LRP5: variants seen among roughly 807,000 people sequenced by gnomAD.
LRP5 encodes the protein LDL receptor related protein 5, also known as low-density lipoprotein receptor-related protein 5.
A neutral mutation model predicts 154.1 loss-of-function variants in LRP5; 62 were observed. The ratio of observed to expected loss-of-function variants is 0.40; its 90% CI spans 0.33 to 0.50. The LOEUF (loss-of-function observed/expected upper bound fraction) is 0.50. Among genes scored for constraint, LRP5 ranks in the 20% least tolerant of loss-of-function variants. LRP5 has a pLI of 0.55. For missense variants in LRP5, 1,915 were observed against 2,336.7 expected (o/e 0.82, Z 3.72); for synonymous variants, 966 against 1,011.5 (o/e 0.96, Z 0.85).
chr11:68,425,981 C>T lies in LRP5; in HGVS notation c.3431C>T (p.Ala1144Val), dbSNP rs1403857189. 6.2e-7 allele frequency: 1 copy of T among 1,610,502 alleles called. No individual in the cohort carries two copies. The highest frequency in any genetic ancestry group is 8.5e-7 in the Non-Finnish European group (1 of 1,180,002). ...GGGGCCCACGGGCTGCTTGCAGGGG[C>T]CAACCGCCTGACCCTGGAGGACGCC... is the stretch of plus-strand genomic sequence containing the variant. ...KRIESCDLSG[A>V]NRLTLEDANI... is the part of the protein sequence containing the mutation. Residue 1144 changes from alanine to valine, a missense_variant, in exon 16 of 23, where the codon GCC (alanine) becomes GTC (valine). By Grantham distance (64) the Ala-to-Val change is moderately conservative. Around this residue, in one of 3 missense-constraint regions of LRP5, gnomAD observed 1,094 missense variants for 1,210.1 expected, o/e 0.90. Coordinates refer to ENST00000294304, the MANE Select transcript of LRP5 (RefSeq NM_002335.4).
intron 1 of LRP5, among the ~76,000 whole-genome samples, chr11:68,333,934 G>C (rs2098604270): frequency 1.3e-5 from 2 of 152,092 alleles, no homozygotes; most frequent in African/African-American, 4.8e-5. Context: ...ACAAATGTTG[G>C]TGCCTGGCAT....
intron 9 of LRP5, among the ~76,000 whole-genome samples, chr11:68,409,457 A>G (rs200031479): frequency 6.6e-6 from 1 of 151,660 alleles, no homozygotes; most frequent in South Asian, 2.1e-4. Context: ...CTGCATTTCA[A>G]ACATTCATTT....
rs559615182 is a variant in LRP5, at chr11:68,363,994, G to A, written c.883+51G>A. 134 of 721,898 alleles carry A rather than the reference G, an allele frequency of 1.9e-4. No individual in the cohort carries two copies. In the African/African-American group the frequency reaches 2.3e-3, roughly 12 times the overall value. The allele number at this position is 721,898 out of a possible 1,614,324, so 44.7% of individuals were successfully genotyped here. A position where few individuals can be genotyped will look rare whatever the true frequency, so the allele number is the denominator to read the frequency against. ...CGAGGGTGCGGGGGCTGGGGGGAGC[G>A]GGGGCGCGGGGCAGGGGAGTGGGAG... On this transcript the variant is annotated intron_variant, in intron 4 of 22. Transcript: ENST00000294304.
intron 1 of LRP5, among the ~76,000 whole-genome samples, chr11:68,317,794 G>A (rs1420093832): frequency 6.6e-6 from 1 of 152,096 alleles, no homozygotes; most frequent in African/African-American, 2.4e-5. Context: ...CGTGGCTGCT[G>A]GGCGACTGTG....
intron 1 of LRP5, among the ~76,000 whole-genome samples, chr11:68,314,963 G>T (rs568302264): frequency 6.6e-6 from 1 of 152,222 alleles, no homozygotes; most frequent in South Asian, 2.1e-4. Flanking sequence ...TTTGGAACCC[G>T]TTTAATTTCA....
chr11:68,436,017 C>T (rs1023903192), intron 18 of LRP5, among the ~76,000 whole-genome samples: 15 of 152,200 alleles, frequency 9.9e-5, no homozygotes, highest in East Asian at 3.9e-4. Flanking sequence ...TGAGTCACTG[C>T]GCCCAGTGAG....
At chr11:68,300,261 T>C in the LRP5 span, among the ~76,000 whole-genome samples, 3 of 148,898 alleles carry the variant, frequency 2.0e-5, 1 homozygote, top group Non-Finnish European at 4.5e-5. Context: ...TGGCCGAGGA[T>C]GAGTGAGCTG....
At position 68,347,965 on chromosome 11, in the gene LRP5, C is replaced by T. The variant is rs771043544; in HGVS notation, c.210C>T (p.Phe70=). ...TGGAGGATGCGGCCGCAGTGGACTT[C>T]CAGTTTTCCAAGGGAGCCGTGTACT... The part of the protein sequence containing the change: ...SGLEDAAAVD[F]QFSKGAVYWT... The change falls in exon 2 of 23, where the codon TTC becomes TTT. Residue 70 remains phenylalanine (F), a synonymous_variant. Coordinates refer to ENST00000294304, the MANE Select transcript of LRP5 (RefSeq NM_002335.4). 2.4e-5 allele frequency: 39 copies of T among 1,614,018 alleles called. No individual in the cohort carries two copies. The South Asian group carries it at 3.2e-4, about 13-fold the overall frequency.
the LRP5 span, among the ~76,000 whole-genome samples, chr11:68,303,272 T>G: frequency 6.6e-6 from 1 of 151,998 alleles, no homozygotes; most frequent in African/African-American, 2.4e-5. Flanking sequence ...GCTGGTTAAA[T>G]GATTGTGACC....
intron 9 of LRP5, among the ~76,000 whole-genome samples, chr11:68,407,818 G>T (rs928076676): frequency 1.3e-5 from 2 of 152,044 alleles, no homozygotes; most frequent in Non-Finnish European, 2.9e-5. Flanking sequence ...TTGCACTCCA[G>T]CCTGGGCAAC....
In LRP5 at chr11:68,423,568, G is replaced by T. The variant is rs61889560; in HGVS notation, c.3107G>T (p.Arg1036Leu). 6.2e-6 allele frequency: 10 copies of T among 1,614,058 alleles called. No homozygotes were observed. Among genetic ancestry groups the T allele is most frequent in the Non-Finnish European group, 7.6e-6 (9 of 1,180,030 alleles). Residue 1036 changes from arginine (R) to leucine (L), a missense_variant, in exon 14 of 23, where the codon CGG becomes CTG. Physicochemically the swap from Arg to Leu is moderately radical, Grantham distance 102 (BLOSUM62 -2). Transcript: ENST00000294304. This position sits in a 1 kb window ranked among gnomAD's most constrained non-coding sequence, Gnocchi z 4.7. ...GACCTCAGCATCGACATCTACAGCC[G>T]GACACTGTTCTGGACGTGCGAGGCC... ...PHDLSIDIYS[R>L]TLFWTCEATN...
intron 7 of LRP5, among the ~76,000 whole-genome samples, chr11:68,397,468 C>A (rs1204626339): frequency 6.6e-6 from 1 of 152,214 alleles, no homozygotes; most frequent in Non-Finnish European, 1.5e-5. Context: ...GGCCCTCTCC[C>A]CTGGAAGCCG....
intron 3 of LRP5, among the ~76,000 whole-genome samples, chr11:68,361,357 C>T (rs190769766): frequency 1.4e-3 from 214 of 150,088 alleles, no homozygotes; most frequent in Middle Eastern, 0.011. Context: ...AAAAGTAAGG[C>T]CGGGCGTGGT....
At chr11:68,414,315 G>A (rs2098661311) in intron 12 of LRP5, among the ~76,000 whole-genome samples, 1 of 152,202 alleles carries the variant, frequency 6.6e-6, no homozygotes, top group Non-Finnish European at 1.5e-5. Context: ...CCAGCACAGT[G>A]CTGAGTGCTT....
At chr11:68,356,939 C>CTTTTTTTTTT (rs1206842769) in intron 2 of LRP5, among the ~76,000 whole-genome samples, 1 of 142,014 alleles carries the variant, frequency 7.0e-6, no homozygotes, top group African/African-American at 2.6e-5. Flanking sequence ...CTTTTCTTTT[C>CTTTTTTTTTT]TTTTTTTTTT....
rs1448356924 is a variant in LRP5, at chr11:68,386,721, G to A, written c.1412+9G>A. On this transcript the variant is annotated intron_variant, in intron 6 of 22. Transcript: ENST00000294304. The surrounding 1 kb of genome is among the most constrained non-coding windows in gnomAD (Gnocchi z 7.9). ...CTGCACCCCGTGATGGGGTAAGACG[G>A]GCGGGGGCTGGGGCCTGGAGCCAGG... 2 of 1,610,070 alleles carry A rather than the reference G, an allele frequency of 1.2e-6. No homozygotes were observed. The highest frequency in any genetic ancestry group is 3.3e-5 in the Admixed American group (2 of 59,834).
At chr11:68,370,427 C>T (rs1330974586) in intron 5 of LRP5, among the ~76,000 whole-genome samples, 1 of 152,070 alleles carries the variant, frequency 6.6e-6, no homozygotes, top group Non-Finnish European at 1.5e-5. Context: ...TTAGGCTACC[C>T]AGAGGAGGAG....
intron 3 of LRP5, among the ~76,000 whole-genome samples, chr11:68,359,943 C>A (rs575817667): frequency 6.6e-6 from 1 of 152,234 alleles, no homozygotes; most frequent in Admixed American, 6.5e-5. Flanking sequence ...CCCGCCACCA[C>A]GCCTGGCAAA....
chr11:68,425,667 A>G (rs934429796), intron 15 of LRP5, among the ~76,000 whole-genome samples: 2 of 152,150 alleles, frequency 1.3e-5, no homozygotes, highest in Non-Finnish European at 2.9e-5. Context: ...GCAGGTCCCC[A>G]TGGCTTTTCC....
Sources: allele counts gnomAD v4.1 joint callset (sites outside exome capture counted in the v4.1 genomes callset), GRCh38; gene constraint gnomAD v4.1.1; regional missense constraint gnomAD v4.1.1; non-coding constraint Gnocchi (gnomAD v3.1); transcripts MANE v1.5; gene names NCBI Gene and HGNC (gene_info 2026-07-23, HGNC 2026-07-21).